The following CCDC30 variants were observed in gnomAD, a reference collection of about 807,000 sequenced individuals.
CCDC30 encodes coiled-coil domain-containing protein 30.
Under a neutral mutation model 100.2 loss-of-function variants are expected in CCDC30, and 70 were observed. That is an observed-to-expected ratio of 0.70 (90% CI 0.58 to 0.85). The LOEUF is 0.85. Ranked by LOEUF, CCDC30 falls within the 40% of genes least tolerant of loss-of-function variation. The probability of loss-of-function intolerance (pLI) is 0.00; values close to 1 mark genes in which losing one functional copy is unlikely to be tolerated. For missense variants in CCDC30, 652 were observed against 771.2 expected, an observed-to-expected ratio of 0.85 and a Z score of 1.83; for synonymous variants, 233 against 269.5, an observed-to-expected ratio of 0.86 and a Z score of 1.33.
rs72637941 is a variant in CCDC30, at chr1:42,635,051, T to G, written c.1278-2186T>G. Among the ~76,000 whole-genome samples, 3 of 151,858 alleles carry G rather than the reference T, an allele frequency of 2.0e-5. No individual in the cohort carries two copies. The South Asian group carries it at 6.2e-4, about 32-fold the overall frequency. ...CATTGTATGGATATACCGTATTTGG[T>G]TTTTTTTGTTTGTTTGTTTTTTGAG... On this transcript the variant is annotated intron_variant, in intron 11 of 16. Transcript: ENST00000668663.
At chr1:42,607,930 C>G (rs181633681) in intron 10 of CCDC30, among the ~76,000 whole-genome samples, 254 of 152,270 alleles carry the variant, frequency 1.7e-3, no homozygotes, top group African/African-American at 5.8e-3. Context: ...GACAAATGCC[C>G]CTGGCCACCC....
chr1:42,511,663 G>A (rs770717353), intron 6 of CCDC30, among the ~76,000 whole-genome samples: 131 of 152,226 alleles, frequency 8.6e-4, no homozygotes, highest in Non-Finnish European at 5.9e-4. Context: ...ATTTACAGAA[G>A]GGGCATAGAG....
rs1482392765 is a variant in CCDC30 at position 42,596,343 on chromosome 1, C to G, written c.1164+6860C>G. On this transcript the variant is annotated intron_variant, in intron 10 of 16. Transcript: ENST00000668663. This position sits in a 1 kb window ranked among gnomAD's most constrained non-coding sequence, Gnocchi z 4.3. ...AATATCTGAGAAAAATCCCCTTTTGCTTCCAGAACGGGGAGAAAAGGGGAA... is the reference window on the plus strand; with the variant it reads ...AATATCTGAGAAAAATCCCCTTTTGGTTCCAGAACGGGGAGAAAAGGGGAA... 6.6e-6 allele frequency among the ~76,000 whole-genome samples: 1 copy of G among 152,156 alleles called. No homozygotes were observed. The highest frequency in any genetic ancestry group is 1.9e-4 in the East Asian group (1 of 5,196).
chr1:42,498,894 TG>T lies in CCDC30; in HGVS notation c.437del (p.Gly146ValfsTer15). The T allele has an allele frequency of 8.1e-7, 1 of 1,233,572 alleles. No homozygotes were observed. The highest frequency in any genetic ancestry group is 4.2e-5 in the Admixed American group (1 of 23,724). 76.4% of individuals were successfully genotyped at this position (1,233,572 alleles called of 1,614,324 possible). A position where few individuals can be genotyped will look rare whatever the true frequency, so the allele number is the denominator to read the frequency against. ...GGAAACCACTCCCCTGGAAAAACTG[TG>T]GGTGGTGAACAGAGAGAACAGGTAT... On this transcript the variant is annotated frameshift_variant, in exon 6 of 17. Coordinates refer to ENST00000668663, the Ensembl canonical transcript of CCDC30. LOFTEE classifies it high-confidence loss of function.
At chr1:42,626,605 A>G (rs762982605) in intron 11 of CCDC30, among the ~76,000 whole-genome samples, 1 of 152,182 alleles carries the variant, frequency 6.6e-6, no homozygotes, top group Non-Finnish European at 1.5e-5. Flanking sequence ...CCAAATCTCA[A>G]CTTGAACTTT....
At chr1:42,583,087 A>T (rs2762688) in intron 9 of CCDC30, among the ~76,000 whole-genome samples, 49,555 of 152,124 alleles carry the variant, frequency 0.33, 8,462 homozygotes, top group East Asian at 0.41. Flanking sequence ...TTCTTTGTAA[A>T]TTGGTGTGGA....
intron 12 of CCDC30, among the ~76,000 whole-genome samples, chr1:42,640,324 TTTTG>T (rs1290412481): frequency 6.6e-6 from 1 of 152,164 alleles, no homozygotes; most frequent in Non-Finnish European, 1.5e-5. Flanking sequence ...TGTCTGGAAT[TTTTG>T]TTTGTTTTAA....
intron 10 of CCDC30, among the ~76,000 whole-genome samples, chr1:42,606,548 A>C (rs1209467080): frequency 6.6e-6 from 1 of 152,194 alleles, no homozygotes; most frequent in African/African-American, 2.4e-5. Context: ...GCGAGCTCAC[A>C]TGTTGCAAGT....
At chr1:42,493,563 G>A (rs1289663677) in intron 4 of CCDC30, among the ~76,000 whole-genome samples, 1 of 152,064 alleles carries the variant, frequency 6.6e-6, no homozygotes, top group Non-Finnish European at 1.5e-5. Flanking sequence ...CTCCAGCCTG[G>A]CCACAGATGG....
chr1:42,594,037 C>G (rs1039837657), intron 10 of CCDC30: 1 of 152,076 alleles, frequency 6.6e-6, no homozygotes, highest in African/African-American at 2.4e-5. Flanking sequence ...TTCTAAACTA[C>G]AAGAAGAATA....
chr1:42,563,515 A>G (rs1329228746), intron 6 of CCDC30, among the ~76,000 whole-genome samples: 4 of 152,182 alleles, frequency 2.6e-5, no homozygotes, highest in Non-Finnish European at 1.5e-5. Context: ...GCAAGCCACC[A>G]TGGCACACGT....
exon 8 of CCDC30, chr1:42,577,148 C>T (rs1557868294): frequency 6.2e-7 from 1 of 1,614,078 alleles, no homozygotes. Context: ...TACTTAAACA[C>T]ACTCAGAGCA....
chr1:42,578,971 G>A (rs973124684), intron 8 of CCDC30, among the ~76,000 whole-genome samples: 1 of 152,128 alleles, frequency 6.6e-6, no homozygotes, highest in African/African-American at 2.4e-5. Flanking sequence ...CTATGGAACA[G>A]CCATTTCCCT....
intron 6 of CCDC30, among the ~76,000 whole-genome samples, chr1:42,508,783 C>A (rs1225404082): frequency 6.6e-6 from 1 of 151,184 alleles, no homozygotes; most frequent in Non-Finnish European, 1.5e-5. Context: ...TTAAGAGTGG[C>A]AAGACAAAAA....
chr1:42,514,826 G>A (rs1466674053), intron 6 of CCDC30, among the ~76,000 whole-genome samples: 2 of 151,986 alleles, frequency 1.3e-5, no homozygotes, highest in South Asian at 2.1e-4. Context: ...GCTAATTTTT[G>A]TATTTTTGTA....
At chr1:42,492,736 C>A (rs1644164705) in intron 4 of CCDC30, among the ~76,000 whole-genome samples, 1 of 152,076 alleles carries the variant, frequency 6.6e-6, no homozygotes, top group Admixed American at 6.5e-5. Context: ...CAACCTCTAC[C>A]TCCTAGGTTC....
rs1643950464 is a variant in CCDC30, at chr1:42,481,132, T to C, written c.15+566T>C. Among the ~76,000 whole-genome samples, 10 of 150,574 alleles carry C rather than the reference T, an allele frequency of 6.6e-5. No homozygotes were observed. The South Asian group carries it at 2.1e-3, about 32-fold the overall frequency. On this transcript the variant is annotated intron_variant, in intron 2 of 16. Transcript: ENST00000668663. ...TCTCTTAAAAAAAAAAAAAGAGTCA[T>C]GCTGTAAGAATTATCAAATTATGCA...
intron 11 of CCDC30, among the ~76,000 whole-genome samples, chr1:42,618,229 CT>C (rs563022326): frequency 0.024 from 2,199 of 90,448 alleles, 15 homozygotes; most frequent in African/African-American, 0.074. Context: ...CCAGTGATAT[CT>C]TTTTTTTTTT....
intron 9 of CCDC30, 83 bp from the exon 14 acceptor site, chr1:42,589,236 AAT>A: frequency 1.8e-6 from 2 of 1,092,256 alleles, no homozygotes; most frequent in South Asian, 1.8e-5. Flanking sequence ...AAAAAAAAAA[AAT>A]CCCTTGTGAT....
Sources: gnomAD v4.1 joint callset for allele counts (sites outside exome capture counted in the v4.1 genomes callset) on GRCh38, gnomAD v4.1.1 for gene constraint, Gnocchi (gnomAD v3.1) non-coding constraint, MANE v1.5 for transcripts, NCBI Gene and HGNC (gene_info 2026-07-23, HGNC 2026-07-21) for gene names.